SNX6: variants seen among roughly 807,000 people sequenced by gnomAD.
SNX6 encodes the protein sorting nexin-6.
SNX6 carries 34 observed loss-of-function variants against 63.0 expected under a neutral mutation model. That is an observed-to-expected ratio of 0.54 (90% confidence interval 0.41 to 0.72). SNX6 has a LOEUF of 0.72. Among genes scored for constraint, SNX6 ranks in the 30% least tolerant of loss-of-function variants. The pLI is 0.00. For missense variants in SNX6, 398 were observed against 471.4 expected (o/e 0.84, Z 1.44); for synonymous variants, 170 against 164.2 (o/e 1.04, Z -0.27).
At chr14:34,569,584 G>A (rs941306940) in intron 11 of SNX6, among the ~76,000 whole-genome samples, 1 of 152,030 alleles carries the variant, frequency 6.6e-6, no homozygotes, top group Non-Finnish European at 1.5e-5. Context: ...GTGCCACCAA[G>A]CCTGGCTAAT....
intron 11 of SNX6, among the ~76,000 whole-genome samples, 190 bp from the exon 12 acceptor site, chr14:34,568,203 G>A (rs1443962791): frequency 1.4e-5 from 2 of 147,690 alleles, no homozygotes; most frequent in African/African-American, 2.5e-5. Flanking sequence ...GGAATGCAAT[G>A]GCGTGATCTT....
At chr14:34,608,278 AG>A (rs1334123453) in intron 3 of SNX6, 138 bp from the exon 4 acceptor site, 3 of 501,854 alleles carry the variant, frequency 6.0e-6, no homozygotes, top group Non-Finnish European at 1.1e-5. Flanking sequence ...CCCAGGCTCA[AG>A]CAATCCTCCC....
intron 2 of SNX6, among the ~76,000 whole-genome samples, chr14:34,612,736 G>A (rs769887829): frequency 2.6e-5 from 4 of 151,716 alleles, no homozygotes; most frequent in Admixed American, 6.6e-5. Context: ...GCCGAGCCAG[G>A]ACATTATCCT....
chr14:34,617,191 T>G (rs1482985292), intron 2 of SNX6, among the ~76,000 whole-genome samples: 2 of 152,166 alleles, frequency 1.3e-5, no homozygotes, highest in African/African-American at 4.8e-5. Flanking sequence ...ACACATTGAT[T>G]GGACTGTCTT....
At chr14:34,621,326 TA>T (rs1175618481) in intron 2 of SNX6, among the ~76,000 whole-genome samples, 1 of 152,196 alleles carries the variant, frequency 6.6e-6, no homozygotes, top group Non-Finnish European at 1.5e-5. Flanking sequence ...CTCTGGTCCT[TA>T]AATGCTGGTT....
chr14:34,597,521 A>G lies in SNX6; in HGVS notation c.612+29T>C. 2.3e-6 allele frequency: 3 copies of G among 1,286,806 alleles called. No individual in the cohort carries two copies. In the South Asian group the frequency reaches 3.7e-5, roughly 16 times the overall value. 79.7% of individuals were successfully genotyped at this position (1,286,806 alleles called of 1,614,324 possible). ...TCCCTTTTAAAAGAAGTCTCAACTA[A>G]TACCACAGTTAATCAAATAAAATCT... On this transcript the variant is annotated intron_variant, in intron 7 of 13. Transcript: ENST00000362031.
At chr14:34,605,328 A>C (rs1215322334) in intron 5 of SNX6, among the ~76,000 whole-genome samples, 2 of 152,128 alleles carry the variant, frequency 1.3e-5, no homozygotes, top group African/African-American at 4.8e-5. Flanking sequence ...TTTTTAAAAG[A>C]AGCTTTTGGA....
At chr14:34,597,701 T>G (rs928101281) in intron 6 of SNX6, 56 bp from the exon 7 acceptor site, 9 of 932,778 alleles carry the variant, frequency 9.6e-6, no homozygotes, top group Non-Finnish European at 1.5e-5. Flanking sequence ...CAGTGCCTCC[T>G]TTATTCTTTG....
intron 4 of SNX6, among the ~76,000 whole-genome samples, chr14:34,606,984 T>C (rs1883044960): frequency 6.6e-6 from 1 of 151,206 alleles, no homozygotes; most frequent in African/African-American, 2.4e-5. Context: ...TTTACCATCT[T>C]GGCCAGGCTG....
chr14:34,568,634 G>GT (rs376954552), intron 11 of SNX6: 100,196 of 607,140 alleles, frequency 0.17, 2,258 homozygotes, highest in African/African-American at 0.3. Flanking sequence ...CACTCAGCCT[G>GT]TTTTTTTTTT....
chr14:34,593,317 TTCTA>T (rs1233047255), intron 7 of SNX6, among the ~76,000 whole-genome samples, 167 bp from the exon 8 acceptor site: 1 of 152,118 alleles, frequency 6.6e-6, no homozygotes, highest in Non-Finnish European at 1.5e-5. Context: ...AGACATGCAT[TTCTA>T]TCTATCAAGT....
intron 4 of SNX6, among the ~76,000 whole-genome samples, chr14:34,607,652 A>C (rs1431451351): frequency 6.6e-6 from 1 of 152,024 alleles, no homozygotes; most frequent in African/African-American, 2.4e-5. Context: ...TCACGCCTGT[A>C]ATCTCAGCAC....
At chr14:34,599,680 T>TGGAG (rs1357165307) in intron 6 of SNX6, among the ~76,000 whole-genome samples, 1 of 148,620 alleles carries the variant, frequency 6.7e-6, no homozygotes, top group Admixed American at 6.9e-5. Context: ...AGGCTGAGGC[T>TGGAG]GGAGAATCGC....
At chr14:34,629,001 T>C (rs1242920398) in intron 2 of SNX6, among the ~76,000 whole-genome samples, 1 of 151,984 alleles carries the variant, frequency 6.6e-6, no homozygotes, top group Non-Finnish European at 1.5e-5. Flanking sequence ...AGAATGCAAC[T>C]AACCTCAGAA....
intron 3 of SNX6, 90 bp from the exon 4 acceptor site, chr14:34,608,230 T>G: frequency 4.7e-6 from 3 of 642,288 alleles, no homozygotes; most frequent in Non-Finnish European, 8.2e-6. Flanking sequence ...CAGGCTGGAG[T>G]GCAGTCGAAC....
At chr14:34,601,883 T>C (rs1050707526) in intron 6 of SNX6, among the ~76,000 whole-genome samples, 4 of 151,710 alleles carry the variant, frequency 2.6e-5, no homozygotes, top group Non-Finnish European at 5.9e-5. Flanking sequence ...GTTACAGGCA[T>C]GAGCCACCAT....
At chr14:34,578,937 C>CAAAAAA (rs71121210) in intron 10 of SNX6, among the ~76,000 whole-genome samples, 2,356 of 22,618 alleles carry the variant, frequency 0.1, 580 homozygotes, top group Non-Finnish European at 0.16. Context: ...GACTTCATCT[C>CAAAAAA]AAAAAAAAAA....
chr14:34,592,234 A>G (rs1377370982), intron 8 of SNX6, among the ~76,000 whole-genome samples: 1 of 151,768 alleles, frequency 6.6e-6, no homozygotes, highest in East Asian at 1.9e-4. Flanking sequence ...AAAAATACAA[A>G]AATTAGCCAG....
intron 2 of SNX6, among the ~76,000 whole-genome samples, chr14:34,616,830 T>A (rs772646788): frequency 6.6e-6 from 1 of 152,070 alleles, no homozygotes; most frequent in African/African-American, 2.4e-5. Context: ...CCCAGCACTT[T>A]GGGAGGCCGA....
Sources: gnomAD v4.1 joint callset for allele counts (sites outside exome capture counted in the v4.1 genomes callset) on GRCh38, gnomAD v4.1.1 for gene constraint, MANE v1.5 for transcripts, NCBI Gene and HGNC (gene_info 2026-07-23, HGNC 2026-07-21) for gene names.